SERPINA12: variants seen among roughly 807,000 people sequenced by gnomAD.
SERPINA12 encodes serpin family A member 12.
A neutral mutation model predicts 25.9 loss-of-function variants in SERPINA12; 21 were observed. That is an observed-to-expected ratio of 0.81 (90% CI 0.58 to 1.17). The LOEUF (loss-of-function observed/expected upper bound fraction) is 1.17. SERPINA12 is among the 50% of genes most tolerant of loss of function. The pLI, the probability that SERPINA12 is intolerant of heterozygous loss-of-function variation, is 0.00. For synonymous variants in SERPINA12, 220 were observed against 196.0 expected (o/e 1.12, Z -1.02); for missense variants, 562 against 508.3 (o/e 1.11, Z -1.02).
chr14:94,495,410 G>A (rs959147879), intron 3 of SERPINA12, among the ~76,000 whole-genome samples: 1 of 152,142 alleles, frequency 6.6e-6, no homozygotes, highest in Non-Finnish European at 1.5e-5. Context: ...CTAGATATAA[G>A]AGATGCATTC....
intron 2 of SERPINA12, 42 bp from the exon 3 acceptor site, chr14:94,496,685 A>G: frequency 6.4e-7 from 1 of 1,571,834 alleles, no homozygotes; most frequent in Non-Finnish European, 8.7e-7. Flanking sequence ...ATCCCAAGGG[A>G]AAAAAGGTGA....
rs761146045 is a variant in SERPINA12 at position 94,496,522 on chromosome 14, G to C, written c.756C>G (p.Asp252Glu). 1 of 1,613,982 alleles carries C rather than the reference G, an allele frequency of 6.2e-7. No individual in the cohort carries two copies. Among genetic ancestry groups the C allele is most frequent in the East Asian group, 2.2e-5 (1 of 44,878 alleles). ...FRSGIYQVGYDDKLSCTILEI... is the reference protein window; with the variant it reads ...FRSGIYQVGYEDKLSCTILEI... Reference sequence around the variant, plus strand: ...CCAGGATGGTGCAAGAGAGCTTATCGTCATAGCCAACTTGGTATATGCCAC... The same window carrying C: ...CCAGGATGGTGCAAGAGAGCTTATCCTCATAGCCAACTTGGTATATGCCAC... Residue 252 changes from aspartate to glutamate, a missense_variant, in exon 3 of 5, where the codon GAC becomes GAG. Physicochemically the swap from Asp to Glu is conservative, Grantham distance 45. Transcript: ENST00000677451.
rs1226301915 is a variant in SERPINA12 at position 94,496,661 on chromosome 14, C to A, written c.635-18G>T. 6.2e-7 allele frequency: 1 copy of A among 1,610,660 alleles called. No homozygotes were observed. Among genetic ancestry groups the A allele is most frequent in the South Asian group, 1.1e-5 (1 of 90,598 alleles). On this transcript the variant is annotated intron_variant, in intron 2 of 4. Transcript: ENST00000677451. ...CCACCTGGCTTAGATTGAAGAAAGA[C>A]AAACAGACATGTTATCCCAAGGGAA...
At position 94,507,200 on chromosome 14, in the gene SERPINA12, T is replaced by C. The variant is rs181099639; in HGVS notation, c.-34+2142A>G. On this transcript the variant is annotated intron_variant, in intron 1 of 4. Transcript: ENST00000677451. Reference sequence around the variant, plus strand: ...AGACCTAAATGTGAAAGGTATTAGATTGGACTATATGAAACTATTGGTCTT... The same window carrying C: ...AGACCTAAATGTGAAAGGTATTAGACTGGACTATATGAAACTATTGGTCTT... 9.3e-4 allele frequency among the ~76,000 whole-genome samples: 141 copies of C among 152,364 alleles called. 1 individual carries two copies. Among genetic ancestry groups the C allele is most frequent in the Admixed American group, 9.2e-3 (141 of 15,312 alleles).
intron 1 of SERPINA12, among the ~76,000 whole-genome samples, chr14:94,507,080 A>T (rs2139862672): frequency 6.6e-6 from 1 of 152,364 alleles, no homozygotes; most frequent in Admixed American, 6.5e-5. Flanking sequence ...TGAAAACAAC[A>T]ACAACAACAA....
intron 1 of SERPINA12, among the ~76,000 whole-genome samples, chr14:94,516,488 A>G (rs997292949): frequency 6.6e-6 from 1 of 152,206 alleles, no homozygotes; most frequent in African/African-American, 2.4e-5. Flanking sequence ...AGCCCTTGGC[A>G]CAGATGCTGT....
chr14:94,496,918 G>A (rs983957005), intron 2 of SERPINA12, among the ~76,000 whole-genome samples: 9 of 152,174 alleles, frequency 5.9e-5, no homozygotes, highest in Admixed American at 3.3e-4. Context: ...GCCTGAGAAA[G>A]CCCACTGATT....
At chr14:94,509,994 G>C (rs866454794), upstream of SERPINA12, 16 of 985,238 alleles carry the variant, frequency 1.6e-5, no homozygotes, top group Non-Finnish European at 1.8e-5. Flanking sequence ...CACCTCCCAG[G>C]TGCAGCCTGG....
intron 1 of SERPINA12, among the ~76,000 whole-genome samples, chr14:94,508,238 G>T (rs1901003097): frequency 6.6e-6 from 1 of 152,230 alleles, no homozygotes; most frequent in South Asian, 2.1e-4. Context: ...ATCAATAAAT[G>T]ATTTAAAATT....
At chr14:94,488,564 TGTAA>T (rs1248499079) in intron 4 of SERPINA12, among the ~76,000 whole-genome samples, 3 of 152,146 alleles carry the variant, frequency 2.0e-5, no homozygotes, top group Admixed American at 6.5e-5. Flanking sequence ...TATGTTTTAG[TGTAA>T]GTGTGTCCCG....
At position 94,503,618 on chromosome 14, in the gene SERPINA12, A is replaced by G. The variant is rs368602915; in HGVS notation, c.-33-5188T>C. ...TTGACTTCAGGACTATCTGTGCCAT[A>G]AAGAGGGAAATGAGGCCCAGAGTGG... On this transcript the variant is annotated intron_variant, in intron 1 of 4. Coordinates refer to ENST00000677451, the MANE Select transcript of SERPINA12 (RefSeq NM_001382267.1). Among the ~76,000 whole-genome samples, 8 of 152,326 alleles carry G rather than the reference A, an allele frequency of 5.3e-5. No individual in the cohort carries two copies. In the East Asian group the frequency reaches 9.6e-4, roughly 18 times the overall value.
At chr14:94,505,138 G>A (rs1390482113) in intron 1 of SERPINA12, among the ~76,000 whole-genome samples, 5 of 152,332 alleles carry the variant, frequency 3.3e-5, no homozygotes, top group South Asian at 2.1e-4. Flanking sequence ...GAAACACCTC[G>A]GAGGCCTCGG....
intron 1 of SERPINA12, among the ~76,000 whole-genome samples, chr14:94,506,929 A>G (rs747243467): frequency 2.6e-5 from 4 of 152,222 alleles, no homozygotes; most frequent in Non-Finnish European, 4.4e-5. Flanking sequence ...AAGCCACAGT[A>G]TTAAGGTATT....
intron 1 of SERPINA12, among the ~76,000 whole-genome samples, chr14:94,506,307 G>A (rs1456585408): frequency 2.0e-5 from 3 of 152,164 alleles, no homozygotes; most frequent in Admixed American, 6.5e-5. Flanking sequence ...AAACATGTTA[G>A]TGACCATGCC....
intron 1 of SERPINA12, among the ~76,000 whole-genome samples, chr14:94,503,012 C>G (rs1307363247): frequency 6.6e-6 from 1 of 152,156 alleles, no homozygotes; most frequent in Non-Finnish European, 1.5e-5. Context: ...CTGAGGAATC[C>G]TTGCTAAAGG....
At chr14:94,508,076 C>G (rs1461442077) in intron 1 of SERPINA12, among the ~76,000 whole-genome samples, 2 of 152,190 alleles carry the variant, frequency 1.3e-5, no homozygotes, top group Non-Finnish European at 2.9e-5. Context: ...TTGTGACAGA[C>G]AGCTATGGGA....
intron 4 of SERPINA12, among the ~76,000 whole-genome samples, chr14:94,488,690 A>G (rs1900008909): frequency 6.6e-6 from 1 of 152,206 alleles, no homozygotes; most frequent in Non-Finnish European, 1.5e-5. Flanking sequence ...CTCTACCTAT[A>G]TGGTGCTCTC....
intron 3 of SERPINA12, among the ~76,000 whole-genome samples, chr14:94,492,242 A>T (rs896686079): frequency 1.3e-5 from 2 of 152,066 alleles, no homozygotes; most frequent in Non-Finnish European, 2.9e-5. Flanking sequence ...ACTGGAGTGG[A>T]TTTAGGAGAG....
At chr14:94,514,013 C>T (rs556321225), upstream of SERPINA12, among the ~76,000 whole-genome samples, 2 of 152,210 alleles carry the variant, frequency 1.3e-5, no homozygotes, top group South Asian at 2.1e-4. Context: ...ACTCCCAAGG[C>T]CACCCCACAT....
Sources: gnomAD v4.1 joint callset for allele counts (sites outside exome capture counted in the v4.1 genomes callset) on GRCh38, gnomAD v4.1.1 for gene constraint, MANE v1.5 for transcripts, NCBI Gene and HGNC (gene_info 2026-07-23, HGNC 2026-07-21) for gene names.